ABTB3: variants seen among roughly 807,000 people sequenced by gnomAD.
ABTB3 encodes ankyrin repeat- and BTB/POZ domain-containing protein 3.
chr12:107,631,498 G>C, the ABTB3 span, among the ~76,000 whole-genome samples: 1 of 152,106 alleles, frequency 6.6e-6, no homozygotes, highest in Admixed American at 6.5e-5. Flanking sequence ...TCCAATGGTA[G>C]CTCTATTTTT....
At chr12:107,331,716 A>G in the ABTB3 span, among the ~76,000 whole-genome samples, 7 of 152,130 alleles carry the variant, frequency 4.6e-5, no homozygotes, top group African/African-American at 1.7e-4. Flanking sequence ...AGAGCAGGGA[A>G]TCTCATCCCC....
chr12:107,318,831 T>G, the ABTB3 span: 1 of 1,296,368 alleles, frequency 7.7e-7, no homozygotes, highest in Non-Finnish European at 1.0e-6. Flanking sequence ...AGTGGAAAAG[T>G]GAGCCAAGGC....
the ABTB3 span, among the ~76,000 whole-genome samples, chr12:107,359,761 G>A: frequency 6.6e-6 from 1 of 152,050 alleles, no homozygotes. Context: ...AGACAAAAAA[G>A]CCAAGCCTCA....
chr12:107,606,485 C>G, the ABTB3 span, among the ~76,000 whole-genome samples: 1 of 152,188 alleles, frequency 6.6e-6, no homozygotes, highest in African/African-American at 2.4e-5. Context: ...GTCTGTGTCT[C>G]CCACCTTTGT....
chr12:107,359,680 G>C, the ABTB3 span, among the ~76,000 whole-genome samples: 4 of 152,150 alleles, frequency 2.6e-5, no homozygotes, highest in African/African-American at 9.7e-5. Flanking sequence ...CTCAGGTTTT[G>C]ACCGCATCCC....
chr12:107,505,213 A>G, the ABTB3 span, among the ~76,000 whole-genome samples: 1 of 152,230 alleles, frequency 6.6e-6, no homozygotes, highest in Non-Finnish European at 1.5e-5. Context: ...AACCACAGTC[A>G]GGTACTTAAT....
the ABTB3 span, among the ~76,000 whole-genome samples, chr12:107,534,623 G>A: frequency 2.3e-4 from 35 of 152,092 alleles, no homozygotes; most frequent in African/African-American, 7.2e-4. Context: ...CAACTGATAC[G>A]ACAGAAATAC....
chr12:107,610,874 G>T, the ABTB3 span, among the ~76,000 whole-genome samples: 1 of 152,144 alleles, frequency 6.6e-6, no homozygotes, highest in Non-Finnish European at 1.5e-5. Flanking sequence ...AGACATGTGG[G>T]CCCAGCAGTC....
At chr12:107,352,750 G>A in the ABTB3 span, among the ~76,000 whole-genome samples, 1 of 152,102 alleles carries the variant, frequency 6.6e-6, no homozygotes. Flanking sequence ...TTGGAGGAAG[G>A]AGTAGGAGGG....
At chr12:107,524,705 A>G in the ABTB3 span, among the ~76,000 whole-genome samples, 11 of 152,358 alleles carry the variant, frequency 7.2e-5, no homozygotes, top group South Asian at 1.9e-3. Context: ...TGAATGGCTC[A>G]AAATTGAATC....
chr12:107,489,424 G>A, the ABTB3 span, among the ~76,000 whole-genome samples: 2 of 152,152 alleles, frequency 1.3e-5, no homozygotes, highest in African/African-American at 4.8e-5. Flanking sequence ...GGAGGCTGAG[G>A]CAGGAGAATC....
the ABTB3 span, chr12:107,635,461 T>C: frequency 1.2e-5 from 18 of 1,444,448 alleles, no homozygotes; most frequent in Non-Finnish European, 1.6e-5. Context: ...AAGAATGCCA[T>C]AAGGAATGCC....
chr12:107,593,309 C>T, the ABTB3 span, among the ~76,000 whole-genome samples: 1 of 152,180 alleles, frequency 6.6e-6, no homozygotes, highest in Non-Finnish European at 1.5e-5. Flanking sequence ...GCCTAACATA[C>T]TATCTGGCCC....
chr12:107,523,129 A>G, the ABTB3 span, among the ~76,000 whole-genome samples: 1 of 152,152 alleles, frequency 6.6e-6, no homozygotes, highest in Non-Finnish European at 1.5e-5. Flanking sequence ...AGAATTTAAG[A>G]CCCAAAATGC....
chr12:107,413,204 G>A, the ABTB3 span, among the ~76,000 whole-genome samples: 1 of 152,172 alleles, frequency 6.6e-6, no homozygotes, highest in Non-Finnish European at 1.5e-5. Flanking sequence ...AACCCGGGAG[G>A]CGGAGCTTGC....
chr12:107,573,775 G>GA, the ABTB3 span, among the ~76,000 whole-genome samples: 1 of 152,284 alleles, frequency 6.6e-6, no homozygotes, highest in Non-Finnish European at 1.5e-5. Flanking sequence ...TCTCTTCTGG[G>GA]AAAAATCAGT....
At chr12:107,571,794 A>T in the ABTB3 span, among the ~76,000 whole-genome samples, 1 of 152,208 alleles carries the variant, frequency 6.6e-6, no homozygotes, top group Non-Finnish European at 1.5e-5. Flanking sequence ...GGTCTGTGGC[A>T]TAGGCAGCAG....
the ABTB3 span, among the ~76,000 whole-genome samples, chr12:107,522,449 G>A: frequency 6.6e-6 from 1 of 151,892 alleles, no homozygotes; most frequent in South Asian, 2.1e-4. Context: ...ATTTACCAGG[G>A]TATGCAACCA....
At chr12:107,504,143 T>C in the ABTB3 span, among the ~76,000 whole-genome samples, 1,083 of 152,304 alleles carry the variant, frequency 7.1e-3, 13 homozygotes, top group African/African-American at 0.025. Flanking sequence ...TTTATTTTAC[T>C]CTGTAATCAG....
Sources: gnomAD v4.1 joint callset for allele counts (sites outside exome capture counted in the v4.1 genomes callset) on GRCh38, gnomAD v4.1.1 for gene constraint, MANE v1.5 for transcripts, NCBI Gene and HGNC (gene_info 2026-07-23, HGNC 2026-07-21) for gene names.